ZC3H12C: variants seen among roughly 807,000 people sequenced by gnomAD.
ZC3H12C encodes the protein zinc finger CCCH-type containing 12C.
ZC3H12C carries 20 observed loss-of-function variants against 76.3 expected under a neutral mutation model. The ratio of observed to expected loss-of-function variants is 0.26; its 90% confidence interval spans 0.18 to 0.38. The LOEUF (loss-of-function observed/expected upper bound fraction) is 0.38. ZC3H12C is among the 10% of genes least tolerant of loss of function. The pLI is 1.00. For missense variants in ZC3H12C, 874 were observed against 1,086.5 expected (o/e 0.80, Z 2.75); for synonymous variants, 352 against 399.6 (o/e 0.88, Z 1.42).
rs146971291 is a variant in ZC3H12C at position 110,153,325 on chromosome 11, T to G, written c.913+267T>G. On this transcript the variant is annotated intron_variant, in intron 3 of 5. Transcript: ENST00000278590. ...GCCTCAGCCTGCCGAGTAGCTGGGA[T>G]TACAGGCGTGTGCCACCACACGCAG... Among the ~76,000 whole-genome samples, 613 of 152,238 alleles carry G rather than the reference T, an allele frequency of 4.0e-3. 2 individuals carry two copies. Among genetic ancestry groups the G allele is most frequent in the African/African-American group, 0.014 (566 of 41,546 alleles).
rs1862656981 is a variant in ZC3H12C at position 110,170,462 on chromosome 11, A to G, written c.*4725A>G. ...AAATGATTTTAAAGAAGATAAATAT[A>G]TTGTAATTTCACATGCTATAGCTTT... On this transcript the variant is annotated 3_prime_UTR_variant, in exon 6 of 6. Coordinates refer to ENST00000278590, the MANE Select transcript of ZC3H12C (RefSeq NM_033390.2). 1 of 152,218 alleles carries G rather than the reference A, an allele frequency of 6.6e-6. No individual in the cohort carries two copies. The highest frequency in any genetic ancestry group is 1.5e-5 in the Non-Finnish European group (1 of 68,006). 9.4% of individuals were successfully genotyped at this position (152,218 alleles called of 1,614,324 possible).
At chr11:110,093,501 G>A (rs1272640074) in intron 1 of ZC3H12C, 69 bp downstream of exon 1, 2 of 1,142,864 alleles carry the variant, frequency 1.7e-6, no homozygotes, top group South Asian at 4.3e-5. Context: ...GCCGGTCGTG[G>A]GGAGGGCCGC....
rs886622916 is a variant in ZC3H12C, at chr11:110,164,268, A to G, written c.1256-73A>G. 1.5e-6 allele frequency: 2 copies of G among 1,367,052 alleles called. No homozygotes were observed. Among genetic ancestry groups the G allele is most frequent in the Non-Finnish European group, 1.9e-6 (2 of 1,026,060 alleles). 84.7% of individuals were successfully genotyped at this position (1,367,052 alleles called of 1,614,324 possible). A position where few individuals can be genotyped will look rare whatever the true frequency, so the allele number is the denominator to read the frequency against. Reference sequence around the variant, plus strand: ...TATCGTTGTCTCTTCTACAAGTTAAAATCATAGGGCCAAACTGAGTTTTCA... The same window carrying G: ...TATCGTTGTCTCTTCTACAAGTTAAGATCATAGGGCCAAACTGAGTTTTCA... On this transcript the variant is annotated intron_variant, in intron 5 of 5. Coordinates refer to ENST00000278590, the MANE Select transcript of ZC3H12C (RefSeq NM_033390.2). The surrounding 1 kb of genome is among the most constrained non-coding windows in gnomAD (Gnocchi z 5.7).
At chr11:110,155,685 T>A (rs1485984303) in intron 3 of ZC3H12C, among the ~76,000 whole-genome samples, 1 of 152,178 alleles carries the variant, frequency 6.6e-6, no homozygotes, top group Non-Finnish European at 1.5e-5. Context: ...TTTGTGTGTC[T>A]GTCTATACAG....
At chr11:110,119,984 T>G (rs1417508211) in intron 1 of ZC3H12C, among the ~76,000 whole-genome samples, 2 of 152,220 alleles carry the variant, frequency 1.3e-5, no homozygotes, top group African/African-American at 2.4e-5. Context: ...CCTTTCACTT[T>G]GTTTAGGTGG....
At chr11:110,111,697 AT>A (rs11387069) in intron 1 of ZC3H12C, among the ~76,000 whole-genome samples, 487 of 131,988 alleles carry the variant, frequency 3.7e-3, no homozygotes, top group Admixed American at 5.8e-3. Context: ...GGCCTGACTG[AT>A]TTTTTTTTTT....
At chr11:110,132,266 A>G (rs1355434108) in intron 1 of ZC3H12C, among the ~76,000 whole-genome samples, 1 of 152,152 alleles carries the variant, frequency 6.6e-6, no homozygotes, top group Admixed American at 6.5e-5. Flanking sequence ...ACGAAGAATT[A>G]TCCAAGTTAA....
intron 1 of ZC3H12C, among the ~76,000 whole-genome samples, chr11:110,122,939 T>C (rs1189837793): frequency 6.6e-6 from 1 of 152,202 alleles, no homozygotes; most frequent in Admixed American, 6.5e-5. Context: ...GGGTCTATAG[T>C]GTGGATACAC....
chr11:110,144,871 G>A (rs575407530), intron 2 of ZC3H12C, among the ~76,000 whole-genome samples: 6 of 152,082 alleles, frequency 3.9e-5, no homozygotes, highest in South Asian at 2.1e-4. Flanking sequence ...ATTACTCCCC[G>A]TGTCTATCAT....
At chr11:110,153,413 C>T (rs1862312956) in intron 3 of ZC3H12C, among the ~76,000 whole-genome samples, 1 of 152,174 alleles carries the variant, frequency 6.6e-6, no homozygotes, top group Admixed American at 6.5e-5. Context: ...GTCTCGAACT[C>T]CTGACCTCAA....
intron 1 of ZC3H12C, among the ~76,000 whole-genome samples, chr11:110,119,204 T>C (rs935958599): frequency 6.6e-6 from 1 of 152,180 alleles, no homozygotes; most frequent in African/African-American, 2.4e-5. Flanking sequence ...GTTGATAAGA[T>C]ATTAATATAA....
chr11:110,159,263 A>T lies in ZC3H12C; in HGVS notation c.921A>T (p.Glu307Asp). The T allele has an allele frequency of 6.2e-7, 1 of 1,607,828 alleles. No individual in the cohort carries two copies. The highest frequency in any genetic ancestry group is 1.3e-5 in the African/African-American group (1 of 74,992). Residue 307 changes from glutamate (E) to aspartate (D), a missense_variant, in exon 4 of 6, where the codon GAA (glutamate) becomes GAT (aspartate). Around this residue, in one of 3 missense-constraint regions of ZC3H12C, gnomAD observed 269 missense variants for 424.9 expected, o/e 0.63. Coordinates refer to ENST00000278590, the MANE Select transcript of ZC3H12C (RefSeq NM_033390.2). ...CCGTCATTATTCTTGCAGATCAGGAAATTTTACGTAAATTAGAGAAGGAGA... is the reference window on the plus strand; with the variant it reads ...CCGTCATTATTCTTGCAGATCAGGATATTTTACGTAAATTAGAGAAGGAGA... ...SRPDALITDQ[E>D]ILRKLEKEKI...
At chr11:110,161,204 A>G (rs1435696598) in intron 4 of ZC3H12C, among the ~76,000 whole-genome samples, 1 of 152,178 alleles carries the variant, frequency 6.6e-6, no homozygotes, top group African/African-American at 2.4e-5. Flanking sequence ...CTACACTTTT[A>G]TACGACTGGG....
intron 1 of ZC3H12C, among the ~76,000 whole-genome samples, chr11:110,134,372 C>G (rs1445887896): frequency 6.6e-6 from 1 of 152,024 alleles, no homozygotes; most frequent in Non-Finnish European, 1.5e-5. Flanking sequence ...AGCTTAGCAA[C>G]CAGCTTCTGG....
At chr11:110,150,571 A>G (rs1862254085) in intron 2 of ZC3H12C, among the ~76,000 whole-genome samples, 1 of 152,102 alleles carries the variant, frequency 6.6e-6, no homozygotes, top group African/African-American at 2.4e-5. Context: ...ATATCTGTTG[A>G]AATCTGTTCT....
chr11:110,164,443 A>G lies in ZC3H12C; in HGVS notation c.1358A>G (p.Asn453Ser). Residue 453 changes from asparagine (N) to serine (S), a missense_variant, in exon 6 of 6, where the codon AAT becomes AGT. Asn to Ser is a conservative substitution (Grantham distance 46, BLOSUM62 1). Around this residue, in one of 3 missense-constraint regions of ZC3H12C, gnomAD observed 269 missense variants for 424.9 expected, o/e 0.63. Coordinates refer to ENST00000278590, the MANE Select transcript of ZC3H12C (RefSeq NM_033390.2). This position sits in a 1 kb window ranked among gnomAD's most constrained non-coding sequence, Gnocchi z 5.7. ...VADELRAMSR[N>S]TAAKTANEGG... Reference sequence around the variant, plus strand: ...GATGAACTCCGTGCCATGTCTAGAAATACGGCAGCCAAAACTGCAAACGAA... The same window carrying G: ...GATGAACTCCGTGCCATGTCTAGAAGTACGGCAGCCAAAACTGCAAACGAA... 1 of 1,614,034 alleles carries G rather than the reference A, an allele frequency of 6.2e-7. No homozygotes were observed. Among genetic ancestry groups the G allele is most frequent in the Non-Finnish European group, 8.5e-7 (1 of 1,179,894 alleles).
At chr11:110,120,968 C>T (rs968084024) in intron 1 of ZC3H12C, among the ~76,000 whole-genome samples, 3 of 152,134 alleles carry the variant, frequency 2.0e-5, no homozygotes, top group African/African-American at 7.2e-5. Context: ...GAGAAAAGTA[C>T]TTGGGAAGAA....
chr11:110,109,725 TC>T (rs1165867505), intron 1 of ZC3H12C, among the ~76,000 whole-genome samples: 1 of 152,208 alleles, frequency 6.6e-6, no homozygotes, highest in African/African-American at 2.4e-5. Context: ...CATAAATTTT[TC>T]TTTGACTGTC....
intron 1 of ZC3H12C, among the ~76,000 whole-genome samples, chr11:110,104,351 A>C (rs7110544): frequency 0.38 from 58,018 of 151,848 alleles, 11,515 homozygotes; most frequent in East Asian, 0.65. Flanking sequence ...GGAGTGAGCC[A>C]CCGCACCTGG....
Sources: allele counts gnomAD v4.1 joint callset (sites outside exome capture counted in the v4.1 genomes callset), GRCh38; gene constraint gnomAD v4.1.1; regional missense constraint gnomAD v4.1.1; non-coding constraint Gnocchi (gnomAD v3.1); transcripts MANE v1.5; gene names NCBI Gene and HGNC (gene_info 2026-07-23, HGNC 2026-07-21).